The following PPM1H variants were observed in gnomAD, a reference collection of about 807,000 sequenced individuals.
PPM1H encodes protein phosphatase, Mg2+/Mn2+ dependent 1H, also known as protein phosphatase 1H.
PPM1H carries 27 observed loss-of-function variants against 54.9 expected under a neutral mutation model. The ratio of observed to expected loss-of-function variants is 0.49; its 90% CI spans 0.36 to 0.68. The LOEUF (loss-of-function observed/expected upper bound fraction) is 0.68, where lower values mean the gene tolerates loss of function less well. Ranked by LOEUF, PPM1H falls within the 30% of genes least tolerant of loss-of-function variation. PPM1H has a pLI of 0.00. For missense variants in PPM1H, 596 were observed against 667.8 expected (o/e 0.89, Z 1.19); for synonymous variants, 305 against 270.8 (o/e 1.13, Z -1.24).
At chr12:62,764,900 G>C (rs185125210) in intron 4 of PPM1H, among the ~76,000 whole-genome samples, 1 of 152,232 alleles carries the variant, frequency 6.6e-6, no homozygotes, top group African/African-American at 2.4e-5. Context: ...GGTGGCGGAT[G>C]CTCGGCCTGT....
intron 1 of PPM1H, among the ~76,000 whole-genome samples, chr12:62,852,228 CAA>C (rs59673617): frequency 1.3e-4 from 8 of 60,402 alleles, no homozygotes; most frequent in East Asian, 5.0e-4. Context: ...GACTCTGTCT[CAA>C]AAAAAAAAAA....
intron 1 of PPM1H, among the ~76,000 whole-genome samples, chr12:62,909,471 TC>T (rs1441567951): frequency 6.6e-6 from 1 of 152,058 alleles, no homozygotes; most frequent in African/African-American, 2.4e-5. Flanking sequence ...CACCCTCACC[TC>T]CCTGCTGGTC....
chr12:62,785,367 T>C (rs929222386), intron 4 of PPM1H, among the ~76,000 whole-genome samples: 6 of 152,260 alleles, frequency 3.9e-5, no homozygotes, highest in Admixed American at 6.5e-5. Flanking sequence ...TTAGTGGAGA[T>C]GGGGTTTCAC....
chr12:62,803,698 G>T (rs2076786648), intron 2 of PPM1H, among the ~76,000 whole-genome samples: 1 of 152,086 alleles, frequency 6.6e-6, no homozygotes, highest in South Asian at 2.1e-4. Context: ...ACAAACAAGT[G>T]GGACTACATT....
At chr12:62,911,530 G>A (rs941176520) in intron 1 of PPM1H, among the ~76,000 whole-genome samples, 1 of 152,076 alleles carries the variant, frequency 6.6e-6, no homozygotes, top group African/African-American at 2.4e-5. Context: ...AGTGTGTGAG[G>A]GCACCCATCC....
At chr12:62,701,630 A>G (rs549804069) in intron 6 of PPM1H, among the ~76,000 whole-genome samples, 1 of 151,656 alleles carries the variant, frequency 6.6e-6, no homozygotes, top group African/African-American at 2.4e-5. Context: ...GCACTCTGAC[A>G]TCGTCGATCA....
Position 62,668,659 on chromosome 12 carries a change from G to A in PPM1H, c.1246-1330C>T, listed in dbSNP as rs145523491. Among the ~76,000 whole-genome samples, 446 of 150,182 alleles carry A rather than the reference G, an allele frequency of 3.0e-3. 5 individuals are homozygous for A. The highest frequency in any genetic ancestry group is 0.01 in the African/African-American group (422 of 40,502). Reference sequence around the variant, plus strand: ...CCCAAAGTGCTGGGGTTACAGGCATGAGCCACCATGCCCAGCCCATTCCTG... The same window carrying A: ...CCCAAAGTGCTGGGGTTACAGGCATAAGCCACCATGCCCAGCCCATTCCTG... On this transcript the variant is annotated intron_variant, in intron 8 of 9. Coordinates refer to ENST00000228705, the MANE Select transcript of PPM1H (RefSeq NM_020700.2).
intron 4 of PPM1H, among the ~76,000 whole-genome samples, chr12:62,750,815 C>A (rs2076438897): frequency 6.6e-6 from 1 of 152,164 alleles, no homozygotes; most frequent in African/African-American, 2.4e-5. Flanking sequence ...ATTCAGCACC[C>A]TTTTAAAGGC....
intron 8 of PPM1H, among the ~76,000 whole-genome samples, chr12:62,680,836 G>A (rs1029509906): frequency 1.8e-4 from 27 of 152,214 alleles, no homozygotes; most frequent in African/African-American, 6.5e-4. Context: ...TAGAGGAATT[G>A]TGTTGGGATA....
At chr12:62,758,862 A>C (rs1035074680) in intron 4 of PPM1H, among the ~76,000 whole-genome samples, 1 of 152,186 alleles carries the variant, frequency 6.6e-6, no homozygotes, top group Non-Finnish European at 1.5e-5. Flanking sequence ...AGATCCACAA[A>C]AGAAGTGAAA....
chr12:62,823,991 C>T (rs145424214), intron 2 of PPM1H, among the ~76,000 whole-genome samples: 12,264 of 150,294 alleles, frequency 0.082, 557 homozygotes, highest in Middle Eastern at 0.13. Flanking sequence ...GATTGTATAT[C>T]TAGAAAACCC....
rs755995415 is a variant in PPM1H at position 62,844,941 on chromosome 12, G to C, written c.246-12662C>G. Among the ~76,000 whole-genome samples the C allele has an allele frequency of 6.6e-6, 1 of 152,200 alleles. No individual in the cohort carries two copies. Among genetic ancestry groups the C allele is most frequent in the Non-Finnish European group, 1.5e-5 (1 of 68,034 alleles). On this transcript the variant is annotated intron_variant, in intron 1 of 9. Coordinates refer to ENST00000228705, the MANE Select transcript of PPM1H (RefSeq NM_020700.2). This position sits in a 1 kb window ranked among gnomAD's most constrained non-coding sequence, Gnocchi z 5.2. ...CTACTAGGAAATGAGCTTGGGAGTA[G>C]GATATGTTAAAGTGACCCCTAAACA... is the stretch of plus-strand genomic sequence containing the variant.
At chr12:62,783,448 T>A (rs562973402) in intron 4 of PPM1H, among the ~76,000 whole-genome samples, 1 of 152,194 alleles carries the variant, frequency 6.6e-6, no homozygotes, top group Non-Finnish European at 1.5e-5. Context: ...AAACAAAACC[T>A]CTGTGAGTTT....
chr12:62,704,102 C>T (rs141529344), intron 6 of PPM1H, among the ~76,000 whole-genome samples: 4 of 151,746 alleles, frequency 2.6e-5, no homozygotes, highest in East Asian at 1.9e-4. Context: ...CTTTTTTTCC[C>T]GGTTTCTAAG....
At chr12:62,729,856 C>T (rs2076310340) in intron 5 of PPM1H, among the ~76,000 whole-genome samples, 1 of 152,170 alleles carries the variant, frequency 6.6e-6, no homozygotes, top group Admixed American at 6.5e-5. Context: ...TTCTACTTTC[C>T]AGGGGCATTC....
In PPM1H at chr12:62,692,035, A is replaced by G. The variant is rs553291646; in HGVS notation, c.1137+1901T>C. On this transcript the variant is annotated intron_variant, in intron 7 of 9. Coordinates refer to ENST00000228705, the MANE Select transcript of PPM1H (RefSeq NM_020700.2). ...TGCTAGTGACTGACCTTGTTTACGA[A>G]GTATCCAGGTGTTACCCACACCAGT... Among the ~76,000 whole-genome samples, 4 of 152,288 alleles carry G rather than the reference A, an allele frequency of 2.6e-5. No homozygotes were observed. The East Asian group carries it at 7.7e-4, about 29-fold the overall frequency.
At chr12:62,719,751 A>T (rs956564940) in intron 6 of PPM1H, among the ~76,000 whole-genome samples, 2 of 152,226 alleles carry the variant, frequency 1.3e-5, no homozygotes, top group African/African-American at 4.8e-5. Flanking sequence ...CTAGAGGTTA[A>T]GCAATTTAAC....
At chr12:62,802,264 C>A in intron 2 of PPM1H, 104 bp from the exon 3 acceptor site, 1 of 861,180 alleles carries the variant, frequency 1.2e-6, no homozygotes, top group South Asian at 2.4e-5. Context: ...ACTTGGTTGT[C>A]TGTCGTCTGC....
chr12:62,738,794 C>T (rs575795902), intron 4 of PPM1H, among the ~76,000 whole-genome samples: 95 of 152,168 alleles, frequency 6.2e-4, no homozygotes, highest in African/African-American at 2.2e-3. Flanking sequence ...TGAGTGGATG[C>T]CTCCTTCATT....
Sources: gnomAD v4.1 joint callset for allele counts (sites outside exome capture counted in the v4.1 genomes callset) on GRCh38, gnomAD v4.1.1 for gene constraint, Gnocchi (gnomAD v3.1) non-coding constraint, MANE v1.5 for transcripts, NCBI Gene and HGNC (gene_info 2026-07-23, HGNC 2026-07-21) for gene names.